CSMD1: variants seen among roughly 807,000 people sequenced by gnomAD.
CSMD1 encodes the protein CUB and sushi domain-containing protein 1.
CSMD1 carries 213 observed loss-of-function variants against 417.5 expected under a neutral mutation model. The ratio of observed to expected loss-of-function variants is 0.51; its 90% CI spans 0.46 to 0.57. The LOEUF (loss-of-function observed/expected upper bound fraction) is 0.57. Among genes scored for constraint, CSMD1 ranks in the 20% least tolerant of loss-of-function variants. The pLI is 0.00. For synonymous variants in CSMD1, 2,862 were observed against 1,736.8 expected (o/e 1.65, Z -16.11); for missense variants, 6,923 against 4,529.7 (o/e 1.53, Z -15.17).
rs1344254277 is a variant in CSMD1, at chr8:4,787,369, T to A, written c.86-149811A>T. 70 of 729,448 alleles carry A rather than the reference T, an allele frequency of 9.6e-5. 1 individual carries two copies. In the East Asian group the frequency reaches 1.4e-3, roughly 14 times the overall value. 45.2% of individuals were successfully genotyped at this position (729,448 alleles called of 1,614,324 possible). ...GAGGTACTGAACACTGGTAAAAAATTGTATGAGGGTAAAACAAAAGAAGTC... is the reference window on the plus strand; with the variant it reads ...GAGGTACTGAACACTGGTAAAAAATAGTATGAGGGTAAAACAAAAGAAGTC... On this transcript the variant is annotated intron_variant, in intron 1 of 69. Transcript: ENST00000635120.
intron 26 of CSMD1, among the ~76,000 whole-genome samples, chr8:3,234,683 G>C (rs1585737881): frequency 2.0e-5 from 3 of 152,312 alleles, no homozygotes; most frequent in African/African-American, 4.8e-5. Context: ...AGGCAGGATA[G>C]ATGTGAAGAT....
At chr8:3,929,687 A>C (rs1023187560) in intron 5 of CSMD1, among the ~76,000 whole-genome samples, 1 of 148,452 alleles carries the variant, frequency 6.7e-6, no homozygotes, top group Non-Finnish European at 1.5e-5. Flanking sequence ...TTTGAGATGG[A>C]GTTTCACTCT....
chr8:3,104,912 G>C (rs1816023526), intron 46 of CSMD1, among the ~76,000 whole-genome samples: 1 of 151,962 alleles, frequency 6.6e-6, no homozygotes, highest in African/African-American at 2.4e-5. Flanking sequence ...CTCCCTGTTG[G>C]TCAGGCTGGT....
Position 3,519,143 on chromosome 8 carries a change from C to T in CSMD1, c.1345-25417G>A, listed in dbSNP as rs571255079. Among the ~76,000 whole-genome samples the T allele has an allele frequency of 3.9e-5, 6 of 152,292 alleles. 1 individual carries two copies. The highest frequency in any genetic ancestry group is 1.4e-4 in the African/African-American group (6 of 41,550). On this transcript the variant is annotated intron_variant, in intron 10 of 69. Coordinates refer to ENST00000635120, the MANE Select transcript of CSMD1 (RefSeq NM_033225.6). ...GTACTGCACAACTTAAAAAGAAAAACATACCTATTTAATAAGCTAAAAATT... is the reference window on the plus strand; with the variant it reads ...GTACTGCACAACTTAAAAAGAAAAATATACCTATTTAATAAGCTAAAAATT...
chr8:3,907,495 T>C (rs902871495), intron 5 of CSMD1, among the ~76,000 whole-genome samples: 3 of 152,186 alleles, frequency 2.0e-5, no homozygotes, highest in African/African-American at 7.2e-5. Context: ...TACAGTGGCC[T>C]ATTAAGTATC....
chr8:4,733,657 G>C (rs1217865195), intron 1 of CSMD1, among the ~76,000 whole-genome samples: 1 of 152,168 alleles, frequency 6.6e-6, no homozygotes, highest in Non-Finnish European at 1.5e-5. Flanking sequence ...TAACACATCT[G>C]AACAGGTATT....
At chr8:4,469,236 C>T (rs745678200) in intron 2 of CSMD1, among the ~76,000 whole-genome samples, 6 of 152,168 alleles carry the variant, frequency 3.9e-5, no homozygotes, top group Non-Finnish European at 7.4e-5. Context: ...AAGGAAAGCT[C>T]ATAAAAGGAG....
At chr8:3,838,004 C>A (rs1005092665) in intron 5 of CSMD1, among the ~76,000 whole-genome samples, 5 of 151,848 alleles carry the variant, frequency 3.3e-5, no homozygotes, top group Admixed American at 6.6e-5. Flanking sequence ...CTTCTGATGC[C>A]CTCCCCAACT....
chr8:3,253,654 G>T (rs541850701), intron 26 of CSMD1, among the ~76,000 whole-genome samples: 1 of 152,160 alleles, frequency 6.6e-6, no homozygotes, highest in African/African-American at 2.4e-5. Context: ...TTATTATTGT[G>T]TGGGAGTCTA....
intron 5 of CSMD1, among the ~76,000 whole-genome samples, chr8:3,775,016 G>A (rs1478198894): frequency 6.6e-6 from 1 of 151,974 alleles, no homozygotes; most frequent in African/African-American, 2.4e-5. Flanking sequence ...GGACCAAGCA[G>A]GATACAGGAG....
At chr8:4,129,649 C>G (rs543400293) in intron 3 of CSMD1, among the ~76,000 whole-genome samples, 44 of 152,168 alleles carry the variant, frequency 2.9e-4, no homozygotes, top group Admixed American at 4.6e-4. Context: ...GTAGGATATT[C>G]TCTTTTGTCC....
chr8:4,785,248 G>T lies in CSMD1; in HGVS notation c.86-147690C>A, dbSNP rs190902676. ...ATGCCTGTTAGTCTAGAGCAGTCATGAGGAGGTGAACATTGGCAAAGGTGA... is the reference window on the plus strand; with the variant it reads ...ATGCCTGTTAGTCTAGAGCAGTCATTAGGAGGTGAACATTGGCAAAGGTGA... On this transcript the variant is annotated intron_variant, in intron 1 of 69. Transcript: ENST00000635120. Among the ~76,000 whole-genome samples the T allele has an allele frequency of 1.3e-3, 196 of 152,308 alleles. 3 individuals are homozygous for T. Among genetic ancestry groups the T allele is most frequent in the Admixed American group, 0.013 (195 of 15,290 alleles).
intron 3 of CSMD1, among the ~76,000 whole-genome samples, chr8:4,293,924 G>C (rs532183351): frequency 7.9e-5 from 12 of 151,956 alleles, no homozygotes; most frequent in East Asian, 7.7e-4. Context: ...GTCTACTGTA[G>C]AGCTTTCCAC....
At chr8:3,898,668 T>C (rs1368381750) in intron 5 of CSMD1, among the ~76,000 whole-genome samples, 2 of 152,212 alleles carry the variant, frequency 1.3e-5, no homozygotes, top group Admixed American at 6.5e-5. Context: ...ACCTGGTATT[T>C]GTTGGTTTGT....
intron 5 of CSMD1, among the ~76,000 whole-genome samples, chr8:3,803,929 T>C (rs989467168): frequency 6.6e-6 from 1 of 152,022 alleles, no homozygotes; most frequent in African/African-American, 2.4e-5. Context: ...ACAAAGTTTC[T>C]CTTTTTTTCT....
intron 26 of CSMD1, among the ~76,000 whole-genome samples, chr8:3,235,480 G>C (rs1799096397): frequency 6.6e-6 from 1 of 152,188 alleles, no homozygotes; most frequent in African/African-American, 2.4e-5. Context: ...GGTCAAATGA[G>C]ATTGGCAAAT....
At chr8:3,870,153 C>T (rs1461649816) in intron 5 of CSMD1, among the ~76,000 whole-genome samples, 3 of 152,052 alleles carry the variant, frequency 2.0e-5, no homozygotes, top group African/African-American at 7.2e-5. Context: ...CATTATTTTA[C>T]AATTTGAATC....
intron 5 of CSMD1, among the ~76,000 whole-genome samples, chr8:3,833,724 A>G (rs2129089099): frequency 1.3e-5 from 2 of 152,270 alleles, no homozygotes; most frequent in Middle Eastern, 6.8e-3. Context: ...TATAAGGTCT[A>G]TGTTGGCACT....
intron 1 of CSMD1, among the ~76,000 whole-genome samples, chr8:4,914,428 A>C (rs1054410861): frequency 6.6e-6 from 1 of 151,850 alleles, no homozygotes; most frequent in Non-Finnish European, 1.5e-5. Context: ...ATACAAAAAA[A>C]TTAACCGGGT....
Sources: gnomAD v4.1 joint callset for allele counts (sites outside exome capture counted in the v4.1 genomes callset) on GRCh38, gnomAD v4.1.1 for gene constraint, MANE v1.5 for transcripts, NCBI Gene and HGNC (gene_info 2026-07-23, HGNC 2026-07-21) for gene names.